The following NCOA6 variants were observed in gnomAD, a reference collection of about 807,000 sequenced individuals.
The protein encoded by NCOA6 is NRC RAP250.
NCOA6 carries 49 observed loss-of-function variants against 171.4 expected under a neutral mutation model. That is an observed-to-expected ratio of 0.29 (90% CI 0.23 to 0.36). The LOEUF is 0.36. NCOA6 is among the 10% of genes least tolerant of loss of function. NCOA6 has a pLI of 1.00. For synonymous variants in NCOA6, 910 were observed against 927.5 expected (o/e 0.98, Z 0.34); for missense variants, 2,248 against 2,554.5 (o/e 0.88, Z 2.59).
At chr20:34,810,422 C>A (rs2078613951) in intron 1 of NCOA6, among the ~76,000 whole-genome samples, 1 of 152,022 alleles carries the variant, frequency 6.6e-6, no homozygotes, top group Admixed American at 6.6e-5. Context: ...GTGAGAACTG[C>A]AAAAAACAAG....
chr20:34,790,941 G>A (rs911140327), intron 2 of NCOA6, among the ~76,000 whole-genome samples: 4 of 152,176 alleles, frequency 2.6e-5, no homozygotes, highest in African/African-American at 7.2e-5. Context: ...GTGAGCCACC[G>A]CACCCGGTCT....
chr20:34,798,212 C>T lies in NCOA6; in HGVS notation c.-163-5649G>A, dbSNP rs181170721. Among the ~76,000 whole-genome samples, 17 of 152,020 alleles carry T rather than the reference C, an allele frequency of 1.1e-4. No homozygotes were observed. The East Asian group carries it at 3.1e-3, about 28-fold the overall frequency. On this transcript the variant is annotated intron_variant, in intron 1 of 14. Transcript: ENST00000359003. ...GCCACAGGTCTGGGGTGGTGGCGGC[C>T]GTAGGGAAAGATGCCTCTGTTTGCA...
intron 4 of NCOA6, among the ~76,000 whole-genome samples, chr20:34,775,165 C>T (rs1600967257): frequency 6.6e-6 from 1 of 152,056 alleles, no homozygotes; most frequent in Admixed American, 6.6e-5. Flanking sequence ...GAAAGTTACA[C>T]AAGATAAGGC....
chr20:34,801,636 T>C (rs1034604067), intron 1 of NCOA6, among the ~76,000 whole-genome samples: 2 of 152,110 alleles, frequency 1.3e-5, no homozygotes, highest in Non-Finnish European at 2.9e-5. Flanking sequence ...AGATTAACCA[T>C]GAAAAAATCC....
Position 34,749,536 on chromosome 20 carries a change from A to G in NCOA6, c.2659T>C (p.Leu887=), listed in dbSNP as rs1208061710. 1.2e-6 allele frequency: 2 copies of G among 1,614,112 alleles called. No homozygotes were observed. Among genetic ancestry groups the G allele is most frequent in the African/African-American group, 2.7e-5 (2 of 74,938 alleles). ...ATGTCACTCTGCAATAAGTTGACCAACAATGGGCTCGTTAGCGTGACATCC... is the reference window on the plus strand; with the variant it reads ...ATGTCACTCTGCAATAAGTTGACCAGCAATGGGCTCGTTAGCGTGACATCC... ...NKDVTLTSPL[L]VNLLQSDISA... Residue 887 remains leucine (L), a synonymous_variant, in exon 9 of 15, where the codon TTG becomes CTG. Transcript: ENST00000359003.
At chr20:34,794,603 C>A (rs965930518) in intron 1 of NCOA6, among the ~76,000 whole-genome samples, 1 of 151,926 alleles carries the variant, frequency 6.6e-6, no homozygotes, top group Non-Finnish European at 1.5e-5. Flanking sequence ...CAGAGTAAAC[C>A]ATTGAGTACC....
intron 5 of NCOA6, among the ~76,000 whole-genome samples, chr20:34,768,103 G>A (rs962678315): frequency 2.6e-5 from 4 of 152,172 alleles, no homozygotes; most frequent in African/African-American, 7.2e-5. Flanking sequence ...CTCTGCCTCA[G>A]AGAAAGTGGG....
intron 10 of NCOA6, among the ~76,000 whole-genome samples, chr20:34,745,023 A>T (rs1330173701): frequency 6.6e-6 from 1 of 152,238 alleles, no homozygotes; most frequent in Non-Finnish European, 1.5e-5. Flanking sequence ...CACTAATGAT[A>T]AGACAGATTG....
At chr20:34,725,291 A>T (rs780947834) in intron 14 of NCOA6, among the ~76,000 whole-genome samples, 3 of 152,208 alleles carry the variant, frequency 2.0e-5, no homozygotes, top group Non-Finnish European at 4.4e-5. Context: ...CTAATTACCT[A>T]TGTCACAAAC....
intron 2 of NCOA6, among the ~76,000 whole-genome samples, chr20:34,786,831 T>C (rs987709760): frequency 6.6e-6 from 1 of 152,104 alleles, no homozygotes; most frequent in African/African-American, 2.4e-5. Flanking sequence ...TAACTCAAAA[T>C]GGATTAAAGA....
At chr20:34,727,452 G>C in intron 13 of NCOA6, 45 bp from the exon 14 acceptor site, 2 of 1,604,718 alleles carry the variant, frequency 1.2e-6, no homozygotes, top group African/African-American at 1.3e-5. Context: ...GAGGGAACCA[G>C]GCCACACAAA....
chr20:34,823,972 C>T (rs1349361495), intron 1 of NCOA6, among the ~76,000 whole-genome samples: 1 of 152,212 alleles, frequency 6.6e-6, no homozygotes, highest in Non-Finnish European at 1.5e-5. Context: ...GCGTGAGCCA[C>T]TGTGGCTGGC....
chr20:34,807,847 T>C (rs1482606055), intron 1 of NCOA6, among the ~76,000 whole-genome samples: 2 of 150,464 alleles, frequency 1.3e-5, no homozygotes, highest in Non-Finnish European at 3.0e-5. Context: ...TTTTGTTTTT[T>C]TGTAGAAACA....
At chr20:34,808,842 A>C (rs567879274) in intron 1 of NCOA6, among the ~76,000 whole-genome samples, 7 of 152,338 alleles carry the variant, frequency 4.6e-5, no homozygotes, top group Non-Finnish European at 8.8e-5. Context: ...GAAAGGGACA[A>C]TGGCATCAGT....
intron 1 of NCOA6, among the ~76,000 whole-genome samples, chr20:34,793,474 T>C (rs1037823890): frequency 3.9e-5 from 6 of 152,300 alleles, no homozygotes; most frequent in Non-Finnish European, 8.8e-5. Context: ...AACTTATGCA[T>C]GGAACTTGCA....
At chr20:34,811,310 C>T (rs906561778) in intron 1 of NCOA6, among the ~76,000 whole-genome samples, 98 of 144,982 alleles carry the variant, frequency 6.8e-4, no homozygotes, top group African/African-American at 2.5e-3. Flanking sequence ...AATAAAAATA[C>T]TAGAATTCCT....
intron 2 of NCOA6, among the ~76,000 whole-genome samples, chr20:34,790,482 G>A (rs2077838236): frequency 6.6e-6 from 1 of 151,926 alleles, no homozygotes; most frequent in African/African-American, 2.4e-5. Flanking sequence ...AACCTCCCGA[G>A]CAGCTGAGAC....
chr20:34,741,982 C>T lies in NCOA6; in HGVS notation c.4274G>A (p.Ser1425Asn). ...CCTACTCTGGGAATTCTGGCAATCA[C>T]TGTCCTGAGGCACATTCAAGCTCTC... Reference protein sequence around the residue: ...NKESLNVPQDSDCQNSQSRKE... With the variant: ...NKESLNVPQDNDCQNSQSRKE... Residue 1425 changes from serine to asparagine, a missense_variant, in exon 11 of 15, where the codon AGT becomes AAT. Physicochemically the swap from Ser to Asn is conservative, Grantham distance 46. Coordinates refer to ENST00000359003, the MANE Select transcript of NCOA6 (RefSeq NM_014071.5). 6.2e-7 allele frequency: 1 copy of T among 1,614,228 alleles called. No individual in the cohort carries two copies.
At chr20:34,771,876 T>C (rs542262583) in intron 4 of NCOA6, among the ~76,000 whole-genome samples, 2 of 152,212 alleles carry the variant, frequency 1.3e-5, no homozygotes, top group Non-Finnish European at 2.9e-5. Flanking sequence ...GAACATCTTG[T>C]TATTTCTGCA....
Sources: allele counts gnomAD v4.1 joint callset (sites outside exome capture counted in the v4.1 genomes callset), GRCh38; gene constraint gnomAD v4.1.1; transcripts MANE v1.5; gene names NCBI Gene and HGNC (gene_info 2026-07-23, HGNC 2026-07-21).